Variants in LLGL2 observed in about 807,000 individuals in gnomAD.
LLGL2 encodes the protein LLGL scribble cell polarity complex component 2.
A neutral mutation model predicts 123.2 loss-of-function variants in LLGL2; 81 were observed. That is an observed-to-expected ratio of 0.66 (90% CI 0.55 to 0.79). LLGL2 has a LOEUF of 0.79. Among genes scored for constraint, LLGL2 ranks in the 30% least tolerant of loss-of-function variants. The pLI, the probability that LLGL2 is intolerant of heterozygous loss-of-function variation, is 0.00. For synonymous variants in LLGL2, 577 were observed against 594.1 expected, an observed-to-expected ratio of 0.97 and a Z score of 0.42; for missense variants, 1,273 against 1,414.6, an observed-to-expected ratio of 0.90 and a Z score of 1.61.
At position 75,559,720 on chromosome 17, in the gene LLGL2, G is replaced by A. The variant is rs1321452648; in HGVS notation, c.530+310G>A. Among the ~76,000 whole-genome samples the A allele has an allele frequency of 6.6e-6, 1 of 152,222 alleles. No homozygotes were observed. The highest frequency in any genetic ancestry group is 2.4e-5 in the African/African-American group (1 of 41,460). ...TGCCATGGGTTTCAGAACCCCAGGG[G>A]CTCCGCAGCGGGGAAGTCGGGCCCA... On this transcript the variant is annotated intron_variant, in intron 6 of 25. Transcript: ENST00000392550. This position sits in a 1 kb window ranked among gnomAD's most constrained non-coding sequence, Gnocchi z 4.6.
chr17:75,552,961 T>C (rs1470264704), intron 2 of LLGL2, among the ~76,000 whole-genome samples: 2 of 152,208 alleles, frequency 1.3e-5, no homozygotes, highest in Non-Finnish European at 2.9e-5. Flanking sequence ...GGCTGTTCCC[T>C]GAGCTGCCTC....
intron 1 of LLGL2, among the ~76,000 whole-genome samples, chr17:75,529,715 G>C (rs2053706161): frequency 6.6e-6 from 1 of 151,800 alleles, no homozygotes; most frequent in South Asian, 2.1e-4. Context: ...ACAAAAATTA[G>C]CTGGGCGTGG....
Position 75,564,700 on chromosome 17 carries a change from CAAAAAATA to C in LLGL2, c.1036+201_1036+208del. Reference sequence around the variant, plus strand: ...CAACGTAGGGAGACCCTTGTCTCTACAAAAAATAAAAAAATTAGCCAGGTGTTGTGGCA... The same window carrying C: ...CAACGTAGGGAGACCCTTGTCTCTACAAAAAATTAGCCAGGTGTTGTGGCA... On this transcript the variant is annotated intron_variant, in intron 10 of 25. Coordinates refer to ENST00000392550, the MANE Select transcript of LLGL2 (RefSeq NM_001031803.2). The surrounding 1 kb of genome is among the most constrained non-coding windows in gnomAD (Gnocchi z 4.9). 1 of 902,342 alleles carries C rather than the reference CAAAAAATA, an allele frequency of 1.1e-6. No individual in the cohort carries two copies. The highest frequency in any genetic ancestry group is 1.6e-6 in the Non-Finnish European group (1 of 634,718). 55.9% of individuals were successfully genotyped at this position (902,342 alleles called of 1,614,324 possible). A position where few individuals can be genotyped will look rare whatever the true frequency, so the allele number is the denominator to read the frequency against.
In LLGL2 at chr17:75,556,066, G is replaced by A. The variant is rs372327675; in HGVS notation, c.96G>A (p.Pro32=). ...QFNKTVEHGF[P]HQPSALGYSP... ...TGCAGACGGTGGAGCATGGCTTCCC[G>A]CACCAGCCCAGCGCCCTCGGCTACA... The change falls in exon 3 of 26, where the codon CCG becomes CCA. Residue 32 remains proline (P), a synonymous_variant. Coordinates refer to ENST00000392550, the MANE Select transcript of LLGL2 (RefSeq NM_001031803.2). The A allele has an allele frequency of 5.6e-6, 9 of 1,608,944 alleles. No homozygotes were observed. Among genetic ancestry groups the A allele is most frequent in the Admixed American group, 1.7e-5 (1 of 59,992 alleles).
rs775518531 is a variant in LLGL2 at position 75,569,051 on chromosome 17, G to A, written c.1396G>A (p.Val466Met). ...GCGGCTGCTCTACAAACTCAGCACT[G>A]TGCGCGTGTTCCTCACCGACACGGA... ...CLRLLYKLSTVRVFLTDTDPN... is the reference protein window; with the variant it reads ...CLRLLYKLSTMRVFLTDTDPN... The change falls in exon 13 of 26, where the codon GTG (valine) becomes ATG (methionine). Residue 466 changes from valine to methionine, a missense_variant. By Grantham distance (21) the Val-to-Met change is conservative (BLOSUM62 1). Coordinates refer to ENST00000392550, the MANE Select transcript of LLGL2 (RefSeq NM_001031803.2). 3 of 1,612,810 alleles carry A rather than the reference G, an allele frequency of 1.9e-6. No homozygotes were observed. Among genetic ancestry groups the A allele is most frequent in the South Asian group, 1.1e-5 (1 of 90,882 alleles).
In LLGL2 at chr17:75,543,321, C is replaced by T. The variant is rs371603055; in HGVS notation, c.-30-76C>T. On this transcript the variant is annotated intron_variant, in intron 1 of 25. Transcript: ENST00000392550. ...ACTGGACTTGGAGAGAGAGGCCCTGCTCCACCTGTTTGGGCCGGGCCTAAT... is the reference window on the plus strand; with the variant it reads ...ACTGGACTTGGAGAGAGAGGCCCTGTTCCACCTGTTTGGGCCGGGCCTAAT... 1,756 of 1,017,572 alleles carry T rather than the reference C, an allele frequency of 1.7e-3. 21 individuals are homozygous for T. The African/African-American group carries it at 0.026, about 15-fold the overall frequency. 63.0% of individuals were successfully genotyped at this position (1,017,572 alleles called of 1,614,324 possible).
chr17:75,555,480 A>G (rs1398815470), intron 2 of LLGL2, among the ~76,000 whole-genome samples: 3 of 152,152 alleles, frequency 2.0e-5, no homozygotes, highest in Non-Finnish European at 4.4e-5. Flanking sequence ...ACGACACTCC[A>G]GGAATTCCCT....
At chr17:75,573,656 T>TTGCCC in intron 21 of LLGL2, 25 bp downstream of exon 21, 4 of 1,429,118 alleles carry the variant, frequency 2.8e-6, no homozygotes, top group Non-Finnish European at 2.8e-6. Context: ...CAGAGGCCTC[T>TTGCCC]CCCGCCCCTC....
chr17:75,552,838 G>A (rs1272028072), intron 2 of LLGL2, among the ~76,000 whole-genome samples: 1 of 152,210 alleles, frequency 6.6e-6, no homozygotes, highest in Admixed American at 6.5e-5. Context: ...GTGCTTGGTG[G>A]CCCCATGGGG....
At position 75,568,641 on chromosome 17, in the gene LLGL2, G is replaced by A; in HGVS notation, c.1202G>A (p.Trp401Ter). 1 of 1,613,936 alleles carries A rather than the reference G, an allele frequency of 6.2e-7. No homozygotes were observed. The change falls in exon 11 of 26, where the codon TGG becomes TAG. Residue 401 changes from tryptophan to a stop codon, truncating the protein, a stop_gained. Transcript: ENST00000392550. LOFTEE classifies it high-confidence loss of function. ...HHVSNIPLKL[W>*]ERIIAAGSRQ... The stretch of plus-strand genomic sequence containing the variant: ...GTCTCCAACATCCCGCTGAAGCTGT[G>A]GGAGCGGATCATTGCCGCCGGCAGC...
At position 75,568,850 on chromosome 17, in the gene LLGL2, T is replaced by C. The variant is rs2055562207; in HGVS notation, c.1322+11T>C. 6.4e-7 allele frequency: 1 copy of C among 1,571,246 alleles called. No individual in the cohort carries two copies. Among genetic ancestry groups the C allele is most frequent in the Admixed American group, 1.8e-5 (1 of 57,020 alleles). On this transcript the variant is annotated intron_variant, in intron 12 of 25. Transcript: ENST00000392550. ...CCTGCTGCTCACAGGGTAGGGTACT[T>C]TGATGCTACCCCACCTCTTCCCAGT...
At chr17:75,572,751 C>T (rs934864193) in intron 19 of LLGL2, among the ~76,000 whole-genome samples, 14 of 147,320 alleles carry the variant, frequency 9.5e-5, no homozygotes, top group Middle Eastern at 3.5e-3. Flanking sequence ...TTGCCTGAGG[C>T]GGAGGTTGCA....
At chr17:75,568,156 G>C (rs2055527628) in intron 10 of LLGL2, 7 of 1,263,182 alleles carry the variant, frequency 5.5e-6, no homozygotes, top group Non-Finnish European at 7.0e-6. Flanking sequence ...AGGCCCCATG[G>C]AGGAGAAACC....
Position 75,559,483 on chromosome 17 carries a change from ACT to A in LLGL2, c.530+76_530+77del. 1 of 1,508,656 alleles carries A rather than the reference ACT, an allele frequency of 6.6e-7. No homozygotes were observed. Among genetic ancestry groups the A allele is most frequent in the South Asian group, 1.3e-5 (1 of 77,908 alleles). The allele number at this position is 1,508,656 out of a possible 1,614,324, so 93.5% of individuals were successfully genotyped here. On this transcript the variant is annotated intron_variant, in intron 6 of 25. Transcript: ENST00000392550. The surrounding 1 kb of genome is among the most constrained non-coding windows in gnomAD (Gnocchi z 4.6). ...CATGGCTTCTCCCCTTGGTCCCAGG[ACT>A]CTGTCAGGAGCTGTCATTTCTCTGC... is the stretch of plus-strand genomic sequence containing the variant.
intron 2 of LLGL2, among the ~76,000 whole-genome samples, chr17:75,550,176 T>A (rs1319174374): frequency 6.6e-6 from 1 of 152,236 alleles, no homozygotes; most frequent in Non-Finnish European, 1.5e-5. Context: ...TTGGAATTCC[T>A]TGACCACCCA....
chr17:75,547,108 T>G (rs55738577), intron 2 of LLGL2, among the ~76,000 whole-genome samples: 53,510 of 152,090 alleles, frequency 0.35, 9,772 homozygotes, highest in South Asian at 0.57. Context: ...GTCCAACACC[T>G]TTTGGCTCAA....
chr17:75,561,190 T>G (rs1050589034), intron 6 of LLGL2, among the ~76,000 whole-genome samples: 2 of 145,496 alleles, frequency 1.4e-5, no homozygotes, highest in Non-Finnish European at 3.0e-5. Context: ...TTTTAAAACG[T>G]GCAACCCTTT....
chr17:75,558,499 G>C lies in LLGL2; in HGVS notation c.256-13G>C. The stretch of plus-strand genomic sequence containing the variant: ...TAGCAAGACCACATGATCCCGTCGT[G>C]TGCCCTCGCCAGTGCCAGCTGGTCA... On this transcript the variant is annotated splice_polypyrimidine_tract_variant and intron_variant, in intron 4 of 25. Coordinates refer to ENST00000392550, the MANE Select transcript of LLGL2 (RefSeq NM_001031803.2). This position sits in a 1 kb window ranked among gnomAD's most constrained non-coding sequence, Gnocchi z 4.0. 1 of 1,570,370 alleles carries C rather than the reference G, an allele frequency of 6.4e-7. No homozygotes were observed.
At chr17:75,542,156 A>G (rs1227209388) in intron 1 of LLGL2, among the ~76,000 whole-genome samples, 2 of 151,894 alleles carry the variant, frequency 1.3e-5, no homozygotes. Context: ...ATGGGATCCT[A>G]TCATATGCAA....
Sources: allele counts gnomAD v4.1 joint callset (sites outside exome capture counted in the v4.1 genomes callset), GRCh38; gene constraint gnomAD v4.1.1; non-coding constraint Gnocchi (gnomAD v3.1); transcripts MANE v1.5; gene names NCBI Gene and HGNC (gene_info 2026-07-23, HGNC 2026-07-21).